Variants in HAGHL observed in about 807,000 individuals in gnomAD.
HAGHL encodes the protein hydroxyacylglutathione hydrolase-like protein.
In HAGHL, 27 loss-of-function variants were observed where a neutral mutation model predicts 29.2. The observed-to-expected ratio is 0.92, with a 90% CI of 0.68 to 1.27. The LOEUF is 1.27. Ranked by LOEUF, HAGHL falls within the 50% of genes most tolerant of loss-of-function variation. The pLI is 0.00. For synonymous variants in HAGHL, 223 were observed against 185.7 expected (o/e 1.20, Z -1.63); for missense variants, 529 against 405.5 (o/e 1.30, Z -2.62).
At chr16:729,114 C>G (rs200454239) in intron 7 of HAGHL, 26 bp downstream of exon 7, 1 of 1,605,386 alleles carries the variant, frequency 6.2e-7, no homozygotes, top group Non-Finnish European at 8.5e-7. Flanking sequence ...GTCCCGGGGC[C>G]TCCACCGTTA....
Position 729,107 on chromosome 16 carries a change from C to T in HAGHL, c.680+19C>T. The T allele has an allele frequency of 6.2e-7, 1 of 1,606,232 alleles. No individual in the cohort carries two copies. Among genetic ancestry groups the T allele is most frequent in the South Asian group, 1.1e-5 (1 of 91,000 alleles). ...GGGTGGCGTGAGTATGGCTGTTGTC[C>T]CGGGGCCTCCACCGTTACGTGGACC... On this transcript the variant is annotated intron_variant, in intron 7 of 7. Coordinates refer to ENST00000389703, the MANE Select transcript of HAGHL (RefSeq NM_032304.4).
Position 729,432 on chromosome 16 carries a change from C to T in HAGHL, c.825C>T (p.Leu275=). ...CCCTCCTTGCGCTGCAGTGGGGGCT[C>T]CTGAGTGCAGCCCCACACGACTGAG... ...ARALLALQWG[L]LSAAPHD The change falls in exon 8 of 8, where the codon CTC becomes CTT. Residue 275 remains leucine, a synonymous_variant. Coordinates refer to ENST00000389703, the MANE Select transcript of HAGHL (RefSeq NM_032304.4). The T allele has an allele frequency of 2.0e-6, 3 of 1,533,558 alleles. No homozygotes were observed. The highest frequency in any genetic ancestry group is 1.2e-5 in the South Asian group (1 of 82,632). The allele number at this position is 1,533,558 out of a possible 1,614,324, so 95.0% of individuals were successfully genotyped here.
rs780908072 is a variant in HAGHL, at chr16:728,866, C to T, written c.571C>T (p.His191Tyr). Residue 191 changes from histidine (H) to tyrosine (Y), a missense_variant, in exon 6 of 8, where the codon CAC (histidine) becomes TAC (tyrosine). Physicochemically the swap from His to Tyr is moderately conservative, Grantham distance 83 (BLOSUM62 2). Coordinates refer to ENST00000389703, the MANE Select transcript of HAGHL (RefSeq NM_032304.4). ...FAQKVEPCND[H>Y]VRAKLSWAKK... ...CCAGAAAGTGGAGCCCTGCAACGAC[C>T]ACGTGAGAGCCAAGCTGTCCTGGGC... 3.3e-5 allele frequency: 53 copies of T among 1,608,968 alleles called. No individual in the cohort carries two copies. The highest frequency in any genetic ancestry group is 3.9e-5 in the Non-Finnish European group (46 of 1,178,808).
In HAGHL at chr16:727,321, G is replaced by T. The variant is rs1307984084; in HGVS notation, c.-189G>T. On this transcript the variant is annotated 5_prime_UTR_variant, in exon 1 of 8. Transcript: ENST00000389703. ...GGTTCCGCTCCTGCTGGAGCCCGGT[G>T]CGTGGAATTCCACGCGAGTGCCGGG... 1 of 520,374 alleles carries T rather than the reference G, an allele frequency of 1.9e-6. No homozygotes were observed. The highest frequency in any genetic ancestry group is 2.5e-5 in the South Asian group (1 of 39,600). The allele number at this position is 520,374 out of a possible 1,614,324, so 32.2% of individuals were successfully genotyped here.
intron 1 of HAGHL, 33 bp from the exon 2 acceptor site, chr16:727,932 C>T (rs760555602): frequency 5.0e-6 from 8 of 1,592,294 alleles, no homozygotes; most frequent in Non-Finnish European, 6.9e-6. Context: ...CCACCGGGAC[C>T]GTCTGTGTTA....
In HAGHL at chr16:728,558, A is replaced by G. The variant is rs1420166981; in HGVS notation, c.452A>G (p.Gln151Arg). 6.6e-7 allele frequency: 1 copy of G among 1,525,432 alleles called. No homozygotes were observed. Among genetic ancestry groups the G allele is most frequent in the Admixed American group, 2.0e-5 (1 of 49,314 alleles). 94.5% of individuals were successfully genotyped at this position (1,525,432 alleles called of 1,614,324 possible). A position where few individuals can be genotyped will look rare whatever the true frequency, so the allele number is the denominator to read the frequency against. Residue 151 changes from glutamine (Q) to arginine (R), a missense_variant, in exon 5 of 8, where the codon CAG becomes CGG. Physicochemically the swap from Gln to Arg is conservative, Grantham distance 43. Coordinates refer to ENST00000389703, the MANE Select transcript of HAGHL (RefSeq NM_032304.4). ...TCGTGCCTGGAGGGCAGCGCCCAGCAGATGTACCAGAGCCTGGCCGAGCTG... is the reference window on the plus strand; with the variant it reads ...TCGTGCCTGGAGGGCAGCGCCCAGCGGATGTACCAGAGCCTGGCCGAGCTG... ...CGSCLEGSAQ[Q>R]MYQSLAELGT...
rs368916234 is a variant in HAGHL, at chr16:727,953, C to T, written c.106-12C>T. 28 of 1,605,842 alleles carry T rather than the reference C, an allele frequency of 1.7e-5. No individual in the cohort carries two copies. The highest frequency in any genetic ancestry group is 3.4e-5 in the Admixed American group (2 of 59,564). On this transcript the variant is annotated splice_polypyrimidine_tract_variant and intron_variant, in intron 1 of 7. Transcript: ENST00000389703. Reference sequence around the variant, plus strand: ...GGACCGTCTGTGTTACCGTCACTCCCGTCCCTTTCAGCTGCTGGAGATCGT... The same window carrying T: ...GGACCGTCTGTGTTACCGTCACTCCTGTCCCTTTCAGCTGCTGGAGATCGT...
rs970134974 is a variant in HAGHL, at chr16:728,342, C to G, written c.315C>G (p.Leu105=). 1.3e-6 allele frequency: 2 copies of G among 1,570,340 alleles called. No individual in the cohort carries two copies. Among genetic ancestry groups the G allele is most frequent in the East Asian group, 4.6e-5 (2 of 43,064 alleles). ...LRFGAIHVRC[L]LTPGHTAGHM... The stretch of plus-strand genomic sequence containing the variant: ...TCGGGGCCATCCACGTGCGTTGCCT[C>G]CTGACGCCCGGCCACACCGCCGGCC... Residue 105 remains leucine, a synonymous_variant, in exon 4 of 8, where the codon CTC becomes CTG. Transcript: ENST00000389703.
chr16:728,381 C>A lies in HAGHL; in HGVS notation c.354C>A (p.Phe118Leu). 1 of 1,579,244 alleles carries A rather than the reference C, an allele frequency of 6.3e-7. No individual in the cohort carries two copies. ...ACACCGCCGGCCACATGAGCTACTTCCTGTGGGAGGACGATTGCCCGGACC... is the reference window on the plus strand; with the variant it reads ...ACACCGCCGGCCACATGAGCTACTTACTGTGGGAGGACGATTGCCCGGACC... ...PGHTAGHMSYFLWEDDCPDPP... is the reference protein window; with the variant it reads ...PGHTAGHMSYLLWEDDCPDPP... The change falls in exon 4 of 8, where the codon TTC becomes TTA. Residue 118 changes from phenylalanine to leucine, a missense_variant. Transcript: ENST00000389703.
Position 728,001 on chromosome 16 carries a change from A to G in HAGHL, c.142A>G (p.Thr48Ala), listed in dbSNP as rs2041113369. Residue 48 changes from threonine (T) to alanine (A), a missense_variant, in exon 2 of 8, where the codon ACC becomes GCC. Transcript: ENST00000389703. ...EIVGREGVSL[T>A]AVLTTHHHWD... The stretch of plus-strand genomic sequence containing the variant: ...CGTGGGCCGGGAGGGGGTGTCTCTG[A>G]CCGCTGTGCTGACCACCCACCATCA... The G allele has an allele frequency of 6.2e-7, 1 of 1,605,978 alleles. No homozygotes were observed.
chr16:729,288 A>C lies in HAGHL; in HGVS notation c.681A>C (p.Ala227=). 1 of 1,523,106 alleles carries C rather than the reference A, an allele frequency of 6.6e-7. No individual in the cohort carries two copies. 94.3% of individuals were successfully genotyped at this position (1,523,106 alleles called of 1,614,324 possible). The change falls in exon 8 of 8, where the codon GCA becomes GCC. Residue 227 remains alanine (A), a splice_region_variant and synonymous_variant. Transcript: ENST00000389703. The part of the protein sequence containing the change: ...ERLYNPFLRV[A]EEPVRKFTGK... The stretch of plus-strand genomic sequence containing the variant: ...CGCCTCACTGCACCCCTCCCTGCAG[A>C]GAGGAGCCGGTGCGCAAGTTCACGG...
Position 729,558 on chromosome 16 carries a change from G to A in HAGHL, c.*102G>A, listed in dbSNP as rs1179423763. 8 of 1,532,792 alleles carry A rather than the reference G, an allele frequency of 5.2e-6. No individual in the cohort carries two copies. The Middle Eastern group carries it at 5.3e-4, about 102-fold the overall frequency. The allele number at this position is 1,532,792 out of a possible 1,614,324, so 94.9% of individuals were successfully genotyped here. A position where few individuals can be genotyped will look rare whatever the true frequency, so the allele number is the denominator to read the frequency against. On this transcript the variant is annotated 3_prime_UTR_variant, in exon 8 of 8. Coordinates refer to ENST00000389703, the MANE Select transcript of HAGHL (RefSeq NM_032304.4). The stretch of plus-strand genomic sequence containing the variant: ...CCTCTGGAACCTTCTTCGAGGCCCT[G>A]GCCAGCCATCTGCCCAGCCTCGGAG...
In HAGHL at chr16:727,359, A is replaced by C; in HGVS notation, c.-151A>C. On this transcript the variant is annotated 5_prime_UTR_variant, in exon 1 of 8. Transcript: ENST00000389703. Reference sequence around the variant, plus strand: ...CGCGAGTGCCGGGGAGTTCCTGGGGAGCCGGGCTTCTCTTTTGGCCCCCAG... The same window carrying C: ...CGCGAGTGCCGGGGAGTTCCTGGGGCGCCGGGCTTCTCTTTTGGCCCCCAG... 3.7e-6 allele frequency: 2 copies of C among 540,682 alleles called. No homozygotes were observed. The highest frequency in any genetic ancestry group is 2.4e-5 in the South Asian group (1 of 41,364). The allele number at this position is 540,682 out of a possible 1,614,324, so 33.5% of individuals were successfully genotyped here.
rs756866510 is a variant in HAGHL, at chr16:728,330, C to A, written c.303C>A (p.His101Gln). Residue 101 changes from histidine to glutamine, a missense_variant, in exon 4 of 8, where the codon CAC becomes CAA. Coordinates refer to ENST00000389703, the MANE Select transcript of HAGHL (RefSeq NM_032304.4). ...CTCCGCCGCAGTTCGGGGCCATCCA[C>A]GTGCGTTGCCTCCTGACGCCCGGCC... The part of the protein sequence containing the change: ...HGEELRFGAI[H>Q]VRCLLTPGHT... 3.8e-5 allele frequency: 59 copies of A among 1,561,254 alleles called. No individual in the cohort carries two copies. In the Admixed American group the frequency reaches 5.9e-4, roughly 16 times the overall value.
Position 727,433 on chromosome 16 carries a change from C to T in HAGHL, c.-77C>T. 1.2e-6 allele frequency: 1 copy of T among 822,600 alleles called. No homozygotes were observed. The highest frequency in any genetic ancestry group is 2.0e-6 in the Non-Finnish European group (1 of 494,218). 51.0% of individuals were successfully genotyped at this position (822,600 alleles called of 1,614,324 possible). On this transcript the variant is annotated 5_prime_UTR_variant, in exon 1 of 8. Coordinates refer to ENST00000389703, the MANE Select transcript of HAGHL (RefSeq NM_032304.4). ...ACAGCCCTTCCTAGGGTGTGGAGAG[C>T]GGGCCCCGCCCTGAAGGGGCACCGT...
Position 728,160 on chromosome 16 carries a change from G to A in HAGHL, c.215G>A (p.Gly72Glu), listed in dbSNP as rs1183942426. The A allele has an allele frequency of 2.0e-6, 3 of 1,469,088 alleles. No homozygotes were observed. The Admixed American group carries it at 7.9e-5, about 38-fold the overall frequency. The allele number at this position is 1,469,088 out of a possible 1,614,324, so 91.0% of individuals were successfully genotyped here. The change falls in exon 3 of 8, where the codon GGG becomes GAG. Residue 72 changes from glycine to glutamate, a missense_variant. By Grantham distance (98) the Gly-to-Glu change is moderately conservative (BLOSUM62 -2). Transcript: ENST00000389703. ...GNPELARLRP[G>E]LAVLGADERI... ...CCGGAGCTGGCGCGGCTTCGTCCCG[G>A]GCTGGCGGTGCTGGGCGCGGACGAG...
chr16:728,977 C>T, intron 6 of HAGHL, 32 bp from the exon 7 acceptor site: 3 of 1,586,472 alleles, frequency 1.9e-6, no homozygotes, highest in Non-Finnish European at 2.6e-6. Flanking sequence ...CAGACAAGGC[C>T]TAATGGTGAC....
chr16:727,434 G>T lies in HAGHL; in HGVS notation c.-76G>T, dbSNP rs2041046178. 6.0e-6 allele frequency: 5 copies of T among 833,672 alleles called. No homozygotes were observed. Among genetic ancestry groups the T allele is most frequent in the Non-Finnish European group, 8.0e-6 (4 of 503,112 alleles). The allele number at this position is 833,672 out of a possible 1,614,324, so 51.6% of individuals were successfully genotyped here. A position where few individuals can be genotyped will look rare whatever the true frequency, so the allele number is the denominator to read the frequency against. ...CAGCCCTTCCTAGGGTGTGGAGAGCGGGCCCCGCCCTGAAGGGGCACCGTG... is the reference window on the plus strand; with the variant it reads ...CAGCCCTTCCTAGGGTGTGGAGAGCTGGCCCCGCCCTGAAGGGGCACCGTG... On this transcript the variant is annotated 5_prime_UTR_variant, in exon 1 of 8. Transcript: ENST00000389703.
rs1596649954 is a variant in HAGHL at position 727,212 on chromosome 16, GGGCGGGGCCTGGGAGGAA to G, written c.-293_-276del. ...TGCGGCGGCAGGGCGGGGGGCCGAGGGGCGGGGCCTGGGAGGAAGGCGTGGCCTTTGGGGACTGGGGCT... is the reference window on the plus strand; with the variant it reads ...TGCGGCGGCAGGGCGGGGGGCCGAGGGGCGTGGCCTTTGGGGACTGGGGCT... On this transcript the variant is annotated 5_prime_UTR_variant, in exon 1 of 8. Coordinates refer to ENST00000389703, the MANE Select transcript of HAGHL (RefSeq NM_032304.4). 2 of 300,220 alleles carry G rather than the reference GGGCGGGGCCTGGGAGGAA, an allele frequency of 6.7e-6. No individual in the cohort carries two copies. The highest frequency in any genetic ancestry group is 1.2e-5 in the Non-Finnish European group (2 of 161,892). 18.6% of individuals were successfully genotyped at this position (300,220 alleles called of 1,614,324 possible).
Sources: allele counts gnomAD v4.1 joint callset, GRCh38; gene constraint gnomAD v4.1.1; transcripts MANE v1.5; gene names NCBI Gene and HGNC (gene_info 2026-07-23, HGNC 2026-07-21).